Variants in PNPT1 observed in about 807,000 individuals in gnomAD.
The protein encoded by PNPT1 is polyribonucleotide nucleotidyltransferase 1.
A neutral mutation model predicts 119.5 loss-of-function variants in PNPT1; 53 were observed. The ratio of observed to expected loss-of-function variants is 0.44; its 90% CI spans 0.36 to 0.56. PNPT1 has a LOEUF of 0.56. PNPT1 is among the 20% of genes least tolerant of loss of function. The pLI, the probability that PNPT1 is intolerant of heterozygous loss-of-function variation, is 0.00. For synonymous variants in PNPT1, 357 were observed against 322.1 expected (o/e 1.11, Z -1.16); for missense variants, 948 against 938.5 (o/e 1.01, Z -0.13).
chr2:55,637,741 A>C, intron 26 of PNPT1, 142 bp from the exon 27 acceptor site: 1 of 672,136 alleles, frequency 1.5e-6, no homozygotes, highest in Non-Finnish European at 2.6e-6. Flanking sequence ...TCAAGCCTGT[A>C]ATTCCAGCAC....
intron 23 of PNPT1, among the ~76,000 whole-genome samples, chr2:55,644,257 C>CT (rs1022157449): frequency 4.6e-5 from 7 of 151,772 alleles, no homozygotes; most frequent in South Asian, 4.2e-4. Context: ...TAAATTAAAG[C>CT]TTTTTTTTAT....
intron 1 of PNPT1, among the ~76,000 whole-genome samples, chr2:55,691,878 A>ATATATATATATT (rs1326804958): frequency 2.7e-4 from 9 of 33,120 alleles, no homozygotes; most frequent in Non-Finnish European, 4.1e-4. Context: ...ATATATATAT[A>ATATATATATATT]TTTTTTTTTT....
intron 23 of PNPT1, among the ~76,000 whole-genome samples, 161 bp downstream of exon 23, chr2:55,644,476 C>T (rs972221789): frequency 2.0e-5 from 3 of 152,148 alleles, no homozygotes; most frequent in East Asian, 1.9e-4. Flanking sequence ...TTAATAGGCA[C>T]ACAGAAAACT....
intron 11 of PNPT1, among the ~76,000 whole-genome samples, chr2:55,669,537 G>A (rs1396336701): frequency 6.6e-6 from 1 of 152,068 alleles, no homozygotes; most frequent in Non-Finnish European, 1.5e-5. Flanking sequence ...TACTTGGAAA[G>A]GAAAACAATC....
intron 14 of PNPT1, among the ~76,000 whole-genome samples, chr2:55,661,495 A>G (rs1421363665): frequency 1.3e-5 from 2 of 152,228 alleles, no homozygotes; most frequent in Non-Finnish European, 2.9e-5. Flanking sequence ...TTTTAGGGGC[A>G]GAGGAGGACA....
intron 18 of PNPT1, among the ~76,000 whole-genome samples, chr2:55,652,790 A>T (rs1289595883): frequency 2.6e-5 from 4 of 152,230 alleles, no homozygotes; most frequent in African/African-American, 9.6e-5. Flanking sequence ...ACAGAAAGTG[A>T]ATTAACTATG....
intron 1 of PNPT1, among the ~76,000 whole-genome samples, chr2:55,689,185 T>A (rs981410732): frequency 2.0e-5 from 3 of 152,230 alleles, no homozygotes; most frequent in African/African-American, 7.2e-5. Context: ...AAACCATGTA[T>A]CTGATAAGGG....
At chr2:55,687,174 G>A (rs1254762637) in intron 2 of PNPT1, among the ~76,000 whole-genome samples, 26 of 135,804 alleles carry the variant, frequency 1.9e-4, no homozygotes, top group African/African-American at 7.0e-4. Context: ...AGATCGCGCC[G>A]CTGCACTCCA....
At chr2:55,680,832 T>C in intron 6 of PNPT1, 23 bp downstream of exon 6, 1 of 1,612,850 alleles carries the variant, frequency 6.2e-7, no homozygotes, top group South Asian at 1.1e-5. Flanking sequence ...TCTGATAATT[T>C]TAATCTCTAC....
intron 19 of PNPT1, among the ~76,000 whole-genome samples, 193 bp from the exon 20 acceptor site, chr2:55,646,679 A>G (rs938681149): frequency 1.3e-5 from 2 of 152,196 alleles, no homozygotes; most frequent in African/African-American, 4.8e-5. Flanking sequence ...CACCAGAAAC[A>G]TCATTTTATT....
intron 25 of PNPT1, 59 bp from the exon 26 acceptor site, chr2:55,640,764 C>A: frequency 1.8e-6 from 2 of 1,105,240 alleles, no homozygotes; most frequent in Admixed American, 2.2e-5. Context: ...TATCCATTGA[C>A]AAATAAAACA....
chr2:55,668,020 A>G (rs1025942203), intron 11 of PNPT1, 62 bp from the exon 12 acceptor site: 1 of 1,401,620 alleles, frequency 7.1e-7, no homozygotes, highest in Non-Finnish European at 9.7e-7. Context: ...GGATTTCTCT[A>G]AAGTTCATAG....
chr2:55,637,929 G>A (rs1695724399), intron 26 of PNPT1, among the ~76,000 whole-genome samples: 3 of 151,328 alleles, frequency 2.0e-5, no homozygotes, highest in Admixed American at 6.6e-5. Flanking sequence ...GAACCCAGGA[G>A]GTGGAGCTTG....
In PNPT1 at chr2:55,639,262, C is replaced by T. The variant is rs1446272984; in HGVS notation, c.2148+1365G>A. Among the ~76,000 whole-genome samples, 2 of 152,132 alleles carry T rather than the reference C, an allele frequency of 1.3e-5. 1 individual carries two copies. The highest frequency in any genetic ancestry group is 4.2e-4 in the South Asian group (2 of 4,818). ...GTATCATTCTTTCAACTTCTTTGTA[C>T]ATTAAAAACTTTTCAAAATAATAAG... On this transcript the variant is annotated intron_variant, in intron 26 of 27. Transcript: ENST00000447944.
At chr2:55,660,375 G>T (rs541365051) in intron 14 of PNPT1, among the ~76,000 whole-genome samples, 182 bp from the exon 15 acceptor site, 1 of 152,164 alleles carries the variant, frequency 6.6e-6, no homozygotes, top group African/African-American at 2.4e-5. Context: ...TTTTCTTCTG[G>T]GGCTTATGAA....
rs1696331120 is a variant in PNPT1 at position 55,654,765 on chromosome 2, G to T, written c.1495+135C>A. ...TTTTTTTAATCTTTTTTGTAGAGATGAGGTCTTGCTATGTTGCCCAGGCTG... is the reference window on the plus strand; with the variant it reads ...TTTTTTTAATCTTTTTTGTAGAGATTAGGTCTTGCTATGTTGCCCAGGCTG... On this transcript the variant is annotated intron_variant, in intron 18 of 27. Coordinates refer to ENST00000447944, the MANE Select transcript of PNPT1 (RefSeq NM_033109.5). The T allele has an allele frequency of 4.4e-6, 3 of 675,756 alleles. No individual in the cohort carries two copies. In the Admixed American group the frequency reaches 7.7e-5, roughly 17 times the overall value. The allele number at this position is 675,756 out of a possible 1,614,324, so 41.9% of individuals were successfully genotyped here. A position where few individuals can be genotyped will look rare whatever the true frequency, so the allele number is the denominator to read the frequency against.
At chr2:55,648,310 A>G (rs1696068505) in intron 18 of PNPT1, among the ~76,000 whole-genome samples, 1 of 152,206 alleles carries the variant, frequency 6.6e-6, no homozygotes, top group Non-Finnish European at 1.5e-5. Context: ...GCTCTACTTT[A>G]TTCCTTTGAA....
At chr2:55,680,631 G>T (rs932238765) in intron 7 of PNPT1, 81 bp downstream of exon 7, 2 of 1,265,926 alleles carry the variant, frequency 1.6e-6, no homozygotes, top group Non-Finnish European at 1.1e-6. Context: ...AGAGCCATAT[G>T]CCATTGCTGT....
In PNPT1 at chr2:55,656,202, G is replaced by A. The variant is rs1696381630; in HGVS notation, c.1370C>T (p.Ala457Val). The A allele has an allele frequency of 6.2e-7, 1 of 1,613,056 alleles. No homozygotes were observed. Among genetic ancestry groups the A allele is most frequent in the African/African-American group, 1.3e-5 (1 of 74,856 alleles). The change falls in exon 17 of 28, where the codon GCT (alanine) becomes GTT (valine). Residue 457 changes from alanine (A) to valine (V), a missense_variant. Coordinates refer to ENST00000447944, the MANE Select transcript of PNPT1 (RefSeq NM_033109.5). ...ATCTCGGGGAATAACAGGATACAAA[G>A]CTTTCTCAGCAAGAGCACCTAAATT... ...ELGHGALAEK[A>V]LYPVIPRDFP...
Sources: gnomAD v4.1 joint callset for allele counts (sites outside exome capture counted in the v4.1 genomes callset) on GRCh38, gnomAD v4.1.1 for gene constraint, MANE v1.5 for transcripts, NCBI Gene and HGNC (gene_info 2026-07-23, HGNC 2026-07-21) for gene names.